RNH1: variants seen among roughly 807,000 people sequenced by gnomAD.
RNH1 encodes the protein ribonuclease inhibitor.
Under a neutral mutation model 46.1 loss-of-function variants are expected in RNH1, and 38 were observed. The observed-to-expected ratio is 0.82, with a 90% CI of 0.64 to 1.08. The LOEUF is 1.08. Ranked by LOEUF, RNH1 falls within the 50% of genes least tolerant of loss-of-function variation. The probability of loss-of-function intolerance (pLI) is 0.00; values close to 1 mark genes in which losing one functional copy is unlikely to be tolerated. For missense variants in RNH1, 577 were observed against 590.7 expected, an observed-to-expected ratio of 0.98 and a Z score of 0.24; for synonymous variants, 319 against 279.1, an observed-to-expected ratio of 1.14 and a Z score of -1.43.
At chr11:504,429 G>T in intron 2 of RNH1, 1 of 153,316 alleles carries the variant, frequency 6.5e-6, no homozygotes, top group South Asian at 1.9e-4. Context: ...ACGCTCACCC[G>T]ACGCCGCCGC....
chr11:504,236 C>T (rs1589761976), intron 2 of RNH1, among the ~76,000 whole-genome samples: 1 of 152,234 alleles, frequency 6.6e-6, no homozygotes, highest in Non-Finnish European at 1.5e-5. Context: ...ACACGGGCCA[C>T]GCTCAGGCGA....
Position 494,662 on chromosome 11 carries a change from G to A in RNH1, c.*29C>T, listed in dbSNP as rs10540. 0.12 allele frequency: 192,627 copies of A among 1,607,998 alleles called. 13,585 individuals carry two copies. Among genetic ancestry groups the A allele is most frequent in the Admixed American group, 0.23 (13,964 of 59,784 alleles). On this transcript the variant is annotated 3_prime_UTR_variant, in exon 11 of 11. Coordinates refer to ENST00000354420, the MANE Select transcript of RNH1 (RefSeq NM_203387.3). The stretch of plus-strand genomic sequence containing the variant: ...CCCCAGGGTTGCCTCGAGGCCGGTC[G>A]TCCAGGGAGAGCAGCAGCAGGAAGA...
rs561731822 is a variant in RNH1 at position 500,411 on chromosome 11, G to T, written c.272+73C>A. ...CTGCAGCTGCCCACGCGCCCCTGGC[G>T]GCTCTGTCCCCTGCTGCCGGGCTAC... is the stretch of plus-strand genomic sequence containing the variant. On this transcript the variant is annotated intron_variant, in intron 4 of 10. Transcript: ENST00000354420. 333 of 1,528,982 alleles carry T rather than the reference G, an allele frequency of 2.2e-4. 3 individuals carry two copies. The African/African-American group carries it at 3.5e-3, about 16-fold the overall frequency. The allele number at this position is 1,528,982 out of a possible 1,614,324, so 94.7% of individuals were successfully genotyped here.
In RNH1 at chr11:497,976, C is replaced by G. The variant is rs766229039; in HGVS notation, c.1122G>C (p.Val374=). The change falls in exon 9 of 11, where the codon GTG becomes GTC. Residue 374 remains valine, a synonymous_variant. Coordinates refer to ENST00000354420, the MANE Select transcript of RNH1 (RefSeq NM_203387.3). ...GLGQPGSVLR[V]LWLADCDVSD... ...CGTGTCCCTCACACACTCACCAGAG[C>G]ACCCGCAGCACAGAGCCAGGCTGGC... 6.2e-7 allele frequency: 1 copy of G among 1,612,712 alleles called. No homozygotes were observed. The highest frequency in any genetic ancestry group is 1.1e-5 in the South Asian group (1 of 90,938).
At chr11:496,936 G>A (rs1849125718) in intron 9 of RNH1, among the ~76,000 whole-genome samples, 1 of 152,282 alleles carries the variant, frequency 6.6e-6, no homozygotes, top group African/African-American at 2.4e-5. Flanking sequence ...GCTCCGTGAA[G>A]CTCTCAGGCT....
chr11:497,152 T>C (rs1180332676), intron 9 of RNH1, among the ~76,000 whole-genome samples: 1 of 142,622 alleles, frequency 7.0e-6, no homozygotes, highest in Non-Finnish European at 1.5e-5. Flanking sequence ...TGGACACTCA[T>C]GCTCACTCTC....
intron 5 of RNH1, 171 bp from the exon 6 acceptor site, chr11:499,356 G>A: frequency 1.4e-6 from 1 of 700,250 alleles, no homozygotes; most frequent in Non-Finnish European, 2.4e-6. Context: ...GGGCCTCTGT[G>A]GACACCGGCA....
chr11:501,151 C>T lies in RNH1; in HGVS notation c.102-497G>A, dbSNP rs1849714937. 2.8e-5 allele frequency: 8 copies of T among 287,648 alleles called. No homozygotes were observed. Among genetic ancestry groups the T allele is most frequent in the Middle Eastern group, 2.6e-3 (2 of 772 alleles). The allele number at this position is 287,648 out of a possible 1,614,324, so 17.8% of individuals were successfully genotyped here. A position where few individuals can be genotyped will look rare whatever the true frequency, so the allele number is the denominator to read the frequency against. The stretch of plus-strand genomic sequence containing the variant: ...AATAAAAAGAATTTAAAGTATCTCT[C>T]GAAGGCACTGATCAGTCACAGGAGG... On this transcript the variant is annotated intron_variant, in intron 3 of 10. Transcript: ENST00000354420. The surrounding 1 kb of genome is among the most constrained non-coding windows in gnomAD (Gnocchi z 4.1).
chr11:499,496 G>A (rs372686705), intron 5 of RNH1: 4 of 694,804 alleles, frequency 5.8e-6, no homozygotes. Context: ...ACTCACAATG[G>A]CCGGGTCCCC....
chr11:500,457 C>T (rs867484547), intron 4 of RNH1, 27 bp downstream of exon 4: 3 of 1,593,572 alleles, frequency 1.9e-6, no homozygotes, highest in Non-Finnish European at 2.6e-6. Flanking sequence ...TGCACCAGGC[C>T]AGAGGCAGTG....
rs1054828635 is a variant in RNH1 at position 501,671 on chromosome 11, C to A, written c.101+391G>T. 1.9e-5 allele frequency: 4 copies of A among 211,136 alleles called. No homozygotes were observed. The highest frequency in any genetic ancestry group is 1.1e-4 in the Admixed American group (2 of 18,630). 13.1% of individuals were successfully genotyped at this position (211,136 alleles called of 1,614,324 possible). On this transcript the variant is annotated intron_variant, in intron 3 of 10. Transcript: ENST00000354420. The surrounding 1 kb of genome is among the most constrained non-coding windows in gnomAD (Gnocchi z 4.1). ...GTGAAGCTGCTGGGTTTGTGAGGAC[C>A]TCGAGGGCCGAGGACTCCCAGCCCC...
At chr11:500,881 C>A (rs1229050126) in intron 3 of RNH1, 13 of 648,306 alleles carry the variant, frequency 2.0e-5, no homozygotes, top group Non-Finnish European at 3.7e-5. Flanking sequence ...GTAATCCCAG[C>A]ACTTTGGGAG....
Position 494,677 on chromosome 11 carries a change from C to A in RNH1, c.*14G>T. 6.2e-7 allele frequency: 1 copy of A among 1,612,864 alleles called. No homozygotes were observed. ...GAGGCCGGTCGTCCAGGGAGAGCAG[C>A]AGCAGGAAGAGCCTCAGGAGATGAC... is the stretch of plus-strand genomic sequence containing the variant. On this transcript the variant is annotated 3_prime_UTR_variant, in exon 11 of 11. Coordinates refer to ENST00000354420, the MANE Select transcript of RNH1 (RefSeq NM_203387.3).
intron 3 of RNH1, 95 bp from the exon 4 acceptor site, chr11:500,749 G>A: frequency 2.3e-6 from 3 of 1,321,892 alleles, no homozygotes; most frequent in Middle Eastern, 1.8e-4. Flanking sequence ...CTATCAGTGG[G>A]CCCAGAAGAC....
chr11:502,558 G>A lies in RNH1; in HGVS notation c.-87-309C>T. On this transcript the variant is annotated intron_variant, in intron 2 of 10. Transcript: ENST00000354420. This position sits in a 1 kb window ranked among gnomAD's most constrained non-coding sequence, Gnocchi z 5.8. ...CTCTCATTTGCTTGGGCAAGGACAG[G>A]GTAGGGTGGGGTGGTCTGTGAGCCT... The A allele has an allele frequency of 7.4e-6, 2 of 271,048 alleles. 1 individual carries two copies. The highest frequency in any genetic ancestry group is 9.2e-5 in the South Asian group (2 of 21,826). 16.8% of individuals were successfully genotyped at this position (271,048 alleles called of 1,614,324 possible).
At position 501,406 on chromosome 11, in the gene RNH1, G is replaced by A. The variant is rs1849739363; in HGVS notation, c.101+656C>T. On this transcript the variant is annotated intron_variant, in intron 3 of 10. Transcript: ENST00000354420. The surrounding 1 kb of genome is among the most constrained non-coding windows in gnomAD (Gnocchi z 4.1). ...ACAGTCACAGACGGGAGAGGGCTAA[G>A]GAGACAGAGGGCTGAGGGCCACGCA... The A allele has an allele frequency of 6.2e-6, 1 of 161,906 alleles. No individual in the cohort carries two copies. The highest frequency in any genetic ancestry group is 1.4e-5 in the Non-Finnish European group (1 of 73,416). The allele number at this position is 161,906 out of a possible 1,614,324, so 10.0% of individuals were successfully genotyped here.
Position 498,446 on chromosome 11 carries a change from G to C in RNH1, c.956+11C>G, listed in dbSNP as rs1409436378. 3 of 1,611,516 alleles carry C rather than the reference G, an allele frequency of 1.9e-6. No individual in the cohort carries two copies. Among genetic ancestry groups the C allele is most frequent in the East Asian group, 2.2e-5 (1 of 44,876 alleles). On this transcript the variant is annotated intron_variant, in intron 8 of 10. Transcript: ENST00000354420. ...TGGGCGACAGGGCCCTGCCCCGACA[G>C]CCACACTCACCACAGCGACTCCAGC...
rs1220572255 is a variant in RNH1, at chr11:497,989, G to A, written c.1109C>T (p.Ser370Phe). The A allele has an allele frequency of 3.7e-6, 6 of 1,613,698 alleles. No individual in the cohort carries two copies. Among genetic ancestry groups the A allele is most frequent in the Non-Finnish European group, 5.1e-6 (6 of 1,179,886 alleles). The change falls in exon 9 of 11, where the codon TCT becomes TTT. Residue 370 changes from serine to phenylalanine, a missense_variant. By Grantham distance (155) the Ser-to-Phe change is radical. Transcript: ENST00000354420. The part of the protein sequence containing the change: ...ELCQGLGQPG[S>F]VLRVLWLADC... ...CACTCACCAGAGCACCCGCAGCACA[G>A]AGCCAGGCTGGCCCAGGCCCTGGCA...
chr11:494,601 G>T lies in RNH1; in HGVS notation c.*90C>A, dbSNP rs542547096. ...TCTGAGCGTTTCTCTTCAAACCTAG[G>T]ATATGCAGGGTGAGAGCATGGCAGG... On this transcript the variant is annotated 3_prime_UTR_variant, in exon 11 of 11. Coordinates refer to ENST00000354420, the MANE Select transcript of RNH1 (RefSeq NM_203387.3). The T allele has an allele frequency of 1.2e-5, 13 of 1,086,040 alleles. No homozygotes were observed. In the African/African-American group the frequency reaches 1.4e-4, roughly 12 times the overall value. The allele number at this position is 1,086,040 out of a possible 1,614,324, so 67.3% of individuals were successfully genotyped here.
Sources: gnomAD v4.1 joint callset for allele counts (sites outside exome capture counted in the v4.1 genomes callset) on GRCh38, gnomAD v4.1.1 for gene constraint, Gnocchi (gnomAD v3.1) non-coding constraint, MANE v1.5 for transcripts, NCBI Gene and HGNC (gene_info 2026-07-23, HGNC 2026-07-21) for gene names.